Variants in GLI3 observed in about 807,000 individuals in gnomAD.
GLI3 encodes the protein GLI family zinc finger 3, also known as transcription activator GLI3.
In GLI3, 20 loss-of-function variants were observed where a neutral mutation model predicts 100.8. The observed-to-expected ratio is 0.20, with a 90% CI of 0.14 to 0.29. GLI3 has a LOEUF of 0.29. GLI3 is among the 10% of genes least tolerant of loss of function. The pLI is 1.00. For missense variants in GLI3, 2,040 were observed against 2,128.5 expected, an observed-to-expected ratio of 0.96 and a Z score of 0.82; for synonymous variants, 938 against 860.5, an observed-to-expected ratio of 1.09 and a Z score of -1.58.
At chr7:42,166,321 G>A (rs1452623441) in intron 2 of GLI3, among the ~76,000 whole-genome samples, 1 of 152,216 alleles carries the variant, frequency 6.6e-6, no homozygotes, top group Non-Finnish European at 1.5e-5. Flanking sequence ...AGGCACTAGT[G>A]AAGTATTCTA....
At chr7:42,109,956 T>C (rs968311160) in intron 3 of GLI3, among the ~76,000 whole-genome samples, 2 of 152,164 alleles carry the variant, frequency 1.3e-5, no homozygotes, top group African/African-American at 2.4e-5. Flanking sequence ...TTTAGGATAC[T>C]TTTTTTATAG....
At chr7:42,175,962 T>C (rs1385762131) in intron 2 of GLI3, among the ~76,000 whole-genome samples, 6 of 151,874 alleles carry the variant, frequency 4.0e-5, no homozygotes, top group Non-Finnish European at 8.8e-5. Context: ...TAAGCCTGGG[T>C]CTGTTGGATC....
At chr7:42,022,307 G>A (rs1466742422) in intron 10 of GLI3, among the ~76,000 whole-genome samples, 9 of 152,126 alleles carry the variant, frequency 5.9e-5, no homozygotes, top group Non-Finnish European at 8.8e-5. Flanking sequence ...CATGGGATGC[G>A]CCGAGTTGCA....
chr7:42,053,661 G>A (rs191260580), intron 4 of GLI3, among the ~76,000 whole-genome samples: 1 of 152,294 alleles, frequency 6.6e-6, no homozygotes, highest in East Asian at 1.9e-4. Context: ...ACCGCTTTCG[G>A]TCTTTGTGGC....
At chr7:42,206,161 A>G (rs545694136) in intron 2 of GLI3, among the ~76,000 whole-genome samples, 2 of 152,054 alleles carry the variant, frequency 1.3e-5, no homozygotes, top group Non-Finnish European at 2.9e-5. Context: ...TCAACTACTC[A>G]GTAAGCTGAG....
chr7:42,237,603 G>A (rs1443028924), upstream of GLI3, among the ~76,000 whole-genome samples: 1 of 149,548 alleles, frequency 6.7e-6, no homozygotes, highest in African/African-American at 2.5e-5. Flanking sequence ...CCTCCCCCAA[G>A]TTTTAACAGA....
rs150284632 is a variant in GLI3, at chr7:41,961,240, G to A, written c.*3090C>T. On this transcript the variant is annotated 3_prime_UTR_variant, in exon 15 of 15. Transcript: ENST00000395925. ...AAAATCTAAAAAAGGTGAAAAAAAT[G>A]AACTTGTATTTTATTTTACATGTCT... 6.6e-6 allele frequency: 1 copy of A among 152,650 alleles called. No individual in the cohort carries two copies. The highest frequency in any genetic ancestry group is 2.4e-5 in the African/African-American group (1 of 41,538). The allele number at this position is 152,650 out of a possible 1,614,324, so 9.5% of individuals were successfully genotyped here. A position where few individuals can be genotyped will look rare whatever the true frequency, so the allele number is the denominator to read the frequency against.
At chr7:41,967,410 G>A (rs1787214627) in intron 14 of GLI3, among the ~76,000 whole-genome samples, 186 bp downstream of exon 14, 1 of 152,004 alleles carries the variant, frequency 6.6e-6, no homozygotes, top group Non-Finnish European at 1.5e-5. Flanking sequence ...ATATTATCCT[G>A]TTCCTAGCTG....
chr7:42,242,158 G>A (rs1788931859), upstream of GLI3, among the ~76,000 whole-genome samples: 1 of 152,022 alleles, frequency 6.6e-6, no homozygotes, highest in Admixed American at 6.5e-5. Context: ...GTCTTTCTTT[G>A]AGTTTTCTTA....
chr7:42,222,986 G>A (rs1040113949), intron 2 of GLI3, 144 bp downstream of exon 2: 30 of 879,124 alleles, frequency 3.4e-5, no homozygotes, highest in African/African-American at 1.7e-4. Flanking sequence ...TCCCCCCGCC[G>A]TCCCCCCGCC....
chr7:42,044,435 T>C (rs1410631630), intron 6 of GLI3, among the ~76,000 whole-genome samples: 1 of 152,174 alleles, frequency 6.6e-6, no homozygotes, highest in Non-Finnish European at 1.5e-5. Flanking sequence ...GAGGTAATTA[T>C]AGGCTTACTT....
chr7:42,164,337 T>C (rs1193098503), intron 2 of GLI3, among the ~76,000 whole-genome samples: 2 of 150,994 alleles, frequency 1.3e-5, no homozygotes, highest in South Asian at 2.1e-4. Context: ...CTGGGCAACA[T>C]GGTGAAACCC....
At chr7:42,010,694 C>T (rs80346849) in intron 10 of GLI3, among the ~76,000 whole-genome samples, 1 of 152,148 alleles carries the variant, frequency 6.6e-6, no homozygotes, top group African/African-American at 2.4e-5. Context: ...TAATAAAATG[C>T]ATACATTTAA....
At chr7:42,192,917 C>T (rs1048698793) in intron 2 of GLI3, among the ~76,000 whole-genome samples, 2 of 152,154 alleles carry the variant, frequency 1.3e-5, no homozygotes, top group African/African-American at 4.8e-5. Context: ...ACCAGCAGGA[C>T]CTGAGGCCAG....
intron 3 of GLI3, among the ~76,000 whole-genome samples, chr7:42,112,311 C>G (rs760962277): frequency 1.3e-5 from 2 of 152,072 alleles, no homozygotes; most frequent in South Asian, 4.2e-4. Flanking sequence ...GTTCAGTGAC[C>G]TACTTAGCTT....
intron 2 of GLI3, among the ~76,000 whole-genome samples, chr7:42,189,301 C>T (rs2108368): frequency 0.14 from 22,046 of 152,148 alleles, 2,084 homozygotes; most frequent in Non-Finnish European, 0.22. Context: ...AGAGAACATG[C>T]AACGTACAAA....
intron 2 of GLI3, among the ~76,000 whole-genome samples, chr7:42,221,450 C>A (rs143474780): frequency 2.0e-5 from 3 of 152,132 alleles, no homozygotes; most frequent in Non-Finnish European, 2.9e-5. Context: ...CATGCTCACA[C>A]GCATGCACAC....
chr7:42,084,901 C>CGTTTTTTTTTTTTT (rs1785069568), intron 3 of GLI3, among the ~76,000 whole-genome samples: 1 of 47,502 alleles, frequency 2.1e-5, no homozygotes, highest in Non-Finnish European at 3.5e-5. Flanking sequence ...CATTTGGATT[C>CGTTTTTTTTTTTTT]TTTTTTTTTT....
At chr7:42,190,202 TAAC>T (rs1787800160) in intron 2 of GLI3, among the ~76,000 whole-genome samples, 1 of 146,828 alleles carries the variant, frequency 6.8e-6, no homozygotes, top group African/African-American at 2.5e-5. Flanking sequence ...GAAGTGAAAA[TAAC>T]AACAATGGCA....
Sources: gnomAD v4.1 joint callset for allele counts (sites outside exome capture counted in the v4.1 genomes callset) on GRCh38, gnomAD v4.1.1 for gene constraint, MANE v1.5 for transcripts, NCBI Gene and HGNC (gene_info 2026-07-23, HGNC 2026-07-21) for gene names.